MAL2: variants seen among roughly 807,000 people sequenced by gnomAD.
MAL2 encodes the protein protein MAL2.
In MAL2, 17 loss-of-function variants were observed where a neutral mutation model predicts 18.1. That is an observed-to-expected ratio of 0.94 (90% confidence interval 0.64 to 1.41). The LOEUF (loss-of-function observed/expected upper bound fraction) is 1.41. Ranked by LOEUF, MAL2 falls within the 40% of genes most tolerant of loss-of-function variation. The pLI, the probability that MAL2 is intolerant of heterozygous loss-of-function variation, is 0.00. For missense variants in MAL2, 222 were observed against 231.9 expected (o/e 0.96, Z 0.28); for synonymous variants, 102 against 102.3 (o/e 1.00, Z 0.02).
intron 1 of MAL2, chr8:119,221,361 G>A (rs143050979): frequency 2.0e-6 from 1 of 506,360 alleles, no homozygotes; most frequent in Non-Finnish European, 3.5e-6. Context: ...TGAAGATACA[G>A]GTGTGGAGTT....
intron 1 of MAL2, among the ~76,000 whole-genome samples, chr8:119,220,641 C>G (rs1817447910): frequency 6.6e-6 from 1 of 152,158 alleles, no homozygotes; most frequent in Admixed American, 6.5e-5. Context: ...CAGCACATGC[C>G]CCTCCTGTCT....
At chr8:119,241,994 G>C (rs1818056911) in intron 3 of MAL2, among the ~76,000 whole-genome samples, 1 of 152,152 alleles carries the variant, frequency 6.6e-6, no homozygotes, top group Admixed American at 6.5e-5. Context: ...AAAACCCTTG[G>C]TTTTAACAGC....
chr8:119,240,103 T>C, intron 2 of MAL2, 62 bp from the exon 3 acceptor site: 9 of 1,532,914 alleles, frequency 5.9e-6, no homozygotes, highest in Non-Finnish European at 8.0e-6. Context: ...CTTCATTATT[T>C]AAAATAAGGA....
At chr8:119,217,545 C>A (rs1364704) in intron 1 of MAL2, among the ~76,000 whole-genome samples, 134,948 of 152,198 alleles carry the variant, frequency 0.89, 60,884 homozygotes, top group Non-Finnish European at 0.97. Flanking sequence ...ATTGAGGTGC[C>A]TTTGGCTATT....
chr8:119,240,963 T>C (rs558189051), intron 3 of MAL2, among the ~76,000 whole-genome samples: 1 of 152,204 alleles, frequency 6.6e-6, no homozygotes, highest in South Asian at 2.1e-4. Context: ...TAATATATTA[T>C]TTTTGTTGTT....
At chr8:119,242,104 C>T (rs115803065) in intron 3 of MAL2, among the ~76,000 whole-genome samples, 2,092 of 152,288 alleles carry the variant, frequency 0.014, 47 homozygotes, top group African/African-American at 0.048. Context: ...TTCATTTTAA[C>T]GGTGCAGGCT....
intron 2 of MAL2, among the ~76,000 whole-genome samples, chr8:119,235,114 A>AGGAGCTGAT (rs1422732751): frequency 6.6e-6 from 1 of 152,174 alleles, no homozygotes; most frequent in Non-Finnish European, 1.5e-5. Context: ...AAGTGCTTAA[A>AGGAGCTGAT]GGAGCTGATG....
intron 2 of MAL2, chr8:119,224,370 A>G (rs1817537239): frequency 6.6e-6 from 1 of 152,126 alleles, no homozygotes; most frequent in South Asian, 2.1e-4. Flanking sequence ...CTAAATTTAT[A>G]TAGTCCCCTT....
At chr8:119,242,825 T>C (rs1818073947) in intron 3 of MAL2, among the ~76,000 whole-genome samples, 2 of 152,228 alleles carry the variant, frequency 1.3e-5, no homozygotes, top group African/African-American at 4.8e-5. Context: ...TATCTACTGT[T>C]TGTTTATATG....
In MAL2 at chr8:119,208,639, G is replaced by T; in HGVS notation, c.132+35G>T. Reference sequence around the variant, plus strand: ...GCCGCCGGAGCGAGGGTCGCGCGGGGAGCGAGGACAGGCGGCGGCATCCTT... The same window carrying T: ...GCCGCCGGAGCGAGGGTCGCGCGGGTAGCGAGGACAGGCGGCGGCATCCTT... On this transcript the variant is annotated intron_variant, in intron 1 of 3. Transcript: ENST00000614891. The surrounding 1 kb of genome is among the most constrained non-coding windows in gnomAD (Gnocchi z 4.3). 1 of 1,278,712 alleles carries T rather than the reference G, an allele frequency of 7.8e-7. No homozygotes were observed. The highest frequency in any genetic ancestry group is 2.6e-5 in the South Asian group (1 of 37,950). 79.2% of individuals were successfully genotyped at this position (1,278,712 alleles called of 1,614,324 possible). A position where few individuals can be genotyped will look rare whatever the true frequency, so the allele number is the denominator to read the frequency against.
At chr8:119,225,600 A>G (rs1437076256) in intron 2 of MAL2, among the ~76,000 whole-genome samples, 11 of 152,174 alleles carry the variant, frequency 7.2e-5, no homozygotes, top group Non-Finnish European at 1.6e-4. Context: ...GTGTCTTTAT[A>G]GCAGCATGTT....
intron 2 of MAL2, among the ~76,000 whole-genome samples, chr8:119,237,813 C>G (rs989246627): frequency 1.8e-4 from 27 of 152,110 alleles, no homozygotes; most frequent in African/African-American, 5.1e-4. Context: ...CTATCTATGA[C>G]AAACCCACAG....
rs1818134744 is a variant in MAL2, at chr8:119,245,501, C to G, written c.*2013C>G. ...ATTTGTAGCTTAATCACATTCTAGA[C>G]TTGTGAGTTGAATGACAAAGCAGTT... On this transcript the variant is annotated 3_prime_UTR_variant, in exon 4 of 4. Coordinates refer to ENST00000614891, the MANE Select transcript of MAL2 (RefSeq NM_052886.3). 6.6e-6 allele frequency: 1 copy of G among 152,576 alleles called. No individual in the cohort carries two copies. Among genetic ancestry groups the G allele is most frequent in the South Asian group, 2.1e-4 (1 of 4,826 alleles). 9.5% of individuals were successfully genotyped at this position (152,576 alleles called of 1,614,324 possible). A position where few individuals can be genotyped will look rare whatever the true frequency, so the allele number is the denominator to read the frequency against.
In MAL2 at chr8:119,243,397, T is replaced by A. The variant is rs1563780395; in HGVS notation, c.460-20T>A. ...TCGGTGTTGTAAATCTGATGTGAAT[T>A]TTTGTTTCTTTTTTCTTAGATTTTT... On this transcript the variant is annotated intron_variant, in intron 3 of 3. Transcript: ENST00000614891. 1.3e-6 allele frequency: 2 copies of A among 1,562,906 alleles called. No individual in the cohort carries two copies.
chr8:119,223,823 C>G (rs1817523088), intron 2 of MAL2: 1 of 151,438 alleles, frequency 6.6e-6, no homozygotes, highest in Admixed American at 6.6e-5. Context: ...TATTATTATT[C>G]AGTCATTTTT....
intron 2 of MAL2, among the ~76,000 whole-genome samples, chr8:119,238,914 A>G (rs1817979756): frequency 6.6e-6 from 1 of 151,902 alleles, no homozygotes; most frequent in Non-Finnish European, 1.5e-5. Flanking sequence ...ACACAAGCCA[A>G]AATTGACAAA....
intron 1 of MAL2, among the ~76,000 whole-genome samples, chr8:119,220,412 G>A (rs1817443940): frequency 6.6e-6 from 1 of 152,192 alleles, no homozygotes; most frequent in South Asian, 2.1e-4. Flanking sequence ...ATAGAGCTGA[G>A]AAACACAGAG....
At position 119,243,501 on chromosome 8, in the gene MAL2, A is replaced by C; in HGVS notation, c.*13A>C. ...ATGGCGACCGTAACACTCCTTAGAA[A>C]CTGGCAGTCGTATGTTAGTTTCACT... On this transcript the variant is annotated 3_prime_UTR_variant, in exon 4 of 4. Transcript: ENST00000614891. The C allele has an allele frequency of 1.3e-6, 2 of 1,578,986 alleles. No individual in the cohort carries two copies. Among genetic ancestry groups the C allele is most frequent in the African/African-American group, 2.7e-5 (2 of 74,400 alleles).
At chr8:119,243,362 T>G (rs906211853) in intron 3 of MAL2, 55 bp from the exon 4 acceptor site, 11 of 1,385,866 alleles carry the variant, frequency 7.9e-6, no homozygotes, top group African/African-American at 1.5e-5. Flanking sequence ...TTTAGGACAC[T>G]GTTTATAAGT....
Sources: allele counts gnomAD v4.1 joint callset (sites outside exome capture counted in the v4.1 genomes callset), GRCh38; gene constraint gnomAD v4.1.1; non-coding constraint Gnocchi (gnomAD v3.1); transcripts MANE v1.5; gene names NCBI Gene and HGNC (gene_info 2026-07-23, HGNC 2026-07-21).